The following ZBTB20 variants were observed in gnomAD, a reference collection of about 807,000 sequenced individuals.
ZBTB20 encodes zinc finger and BTB domain-containing protein 20.
Under a neutral mutation model 56.9 loss-of-function variants are expected in ZBTB20, and 9 were observed. That is an observed-to-expected ratio of 0.16 (90% CI 0.10 to 0.28). ZBTB20 has a LOEUF of 0.28. Ranked by LOEUF, ZBTB20 falls within the 10% of genes least tolerant of loss-of-function variation. The pLI is 1.00. For missense variants in ZBTB20, 655 were observed against 1,003.0 expected, an observed-to-expected ratio of 0.65 and a Z score of 4.69; for synonymous variants, 417 against 420.7, an observed-to-expected ratio of 0.99 and a Z score of 0.11.
At chr3:114,698,161 T>C (rs1461726739) in intron 5 of ZBTB20, among the ~76,000 whole-genome samples, 1 of 152,106 alleles carries the variant, frequency 6.6e-6, no homozygotes, top group African/African-American at 2.4e-5. Flanking sequence ...GGGAATGTCA[T>C]CAGGGTAAAG....
At position 114,344,048 on chromosome 3, in the gene ZBTB20, CA is replaced by C. The variant is rs58864839; in HGVS notation, c.1805-4623del. The stretch of plus-strand genomic sequence containing the variant: ...TGGGCAACAGAGTGAGACTCCATCT[CA>C]AAAAAAAAATGGGGGGCCCACACAC... On this transcript the variant is annotated intron_variant, in intron 11 of 11. Coordinates refer to ENST00000675478, the MANE Select transcript of ZBTB20 (RefSeq NM_001348800.3). 7.6e-4 allele frequency among the ~76,000 whole-genome samples: 113 copies of C among 148,116 alleles called. No individual in the cohort carries two copies. The East Asian group carries it at 0.013, about 17-fold the overall frequency.
intron 7 of ZBTB20, among the ~76,000 whole-genome samples, chr3:114,469,228 G>A (rs575813388): frequency 6.6e-6 from 1 of 152,198 alleles, no homozygotes; most frequent in East Asian, 1.9e-4. Context: ...TCTAGGTAGA[G>A]AGTTAAGCAA....
chr3:115,049,080 T>G (rs961609531), intron 2 of ZBTB20, among the ~76,000 whole-genome samples: 18 of 152,152 alleles, frequency 1.2e-4, no homozygotes, highest in African/African-American at 4.3e-4. Flanking sequence ...CCTTAATACT[T>G]GTAACTGGCT....
intron 6 of ZBTB20, among the ~76,000 whole-genome samples, chr3:114,546,684 A>T (rs2110155131): frequency 6.6e-6 from 1 of 152,084 alleles, no homozygotes; most frequent in Admixed American, 6.6e-5. Context: ...ATTCTGTATC[A>T]TAATTAAGGA....
intron 7 of ZBTB20, among the ~76,000 whole-genome samples, chr3:114,404,235 G>A (rs1208593036): frequency 1.3e-5 from 2 of 152,008 alleles, no homozygotes; most frequent in African/African-American, 2.4e-5. Context: ...AGGTAATCAC[G>A]ATCATTCTGG....
chr3:114,871,455 C>T (rs866391959), intron 4 of ZBTB20, among the ~76,000 whole-genome samples: 13 of 152,042 alleles, frequency 8.6e-5, no homozygotes, highest in South Asian at 2.1e-4. Flanking sequence ...TATATGTCTT[C>T]CTTTTCATCT....
chr3:115,115,267 A>G (rs1452065185), intron 1 of ZBTB20, among the ~76,000 whole-genome samples: 1 of 152,078 alleles, frequency 6.6e-6, no homozygotes, highest in African/African-American at 2.4e-5. Flanking sequence ...TGCCTCGGCA[A>G]GCTTTTTTCT....
At chr3:114,445,779 A>C (rs978300131) in intron 7 of ZBTB20, 10 of 152,160 alleles carry the variant, frequency 6.6e-5, no homozygotes, top group African/African-American at 1.7e-4. Context: ...TTTTAAAGCA[A>C]TCCATTAAAG....
intron 1 of ZBTB20, among the ~76,000 whole-genome samples, chr3:115,094,640 T>C (rs1237151706): frequency 3.3e-5 from 5 of 151,650 alleles, no homozygotes; most frequent in African/African-American, 1.2e-4. Context: ...AAGAAGTTCA[T>C]ACTATAAAAG....
At chr3:114,378,389 C>T (rs1394269542) in intron 10 of ZBTB20, among the ~76,000 whole-genome samples, 1 of 152,208 alleles carries the variant, frequency 6.6e-6, no homozygotes, top group Non-Finnish European at 1.5e-5. Context: ...GATCAGGTTT[C>T]TCCTCCTGGT....
chr3:115,083,086 C>A (rs1226641209), intron 1 of ZBTB20, among the ~76,000 whole-genome samples: 1 of 151,950 alleles, frequency 6.6e-6, no homozygotes, highest in East Asian at 1.9e-4. Flanking sequence ...AATGCAAAAA[C>A]CAAGGCAATT....
intron 7 of ZBTB20, among the ~76,000 whole-genome samples, chr3:114,462,085 C>A (rs2092357697): frequency 6.6e-6 from 1 of 152,066 alleles, no homozygotes; most frequent in Admixed American, 6.5e-5. Context: ...TAGAAGTTAA[C>A]AAGATCATGC....
At chr3:114,898,729 G>A (rs2074987306) in intron 4 of ZBTB20, among the ~76,000 whole-genome samples, 1 of 152,056 alleles carries the variant, frequency 6.6e-6, no homozygotes, top group South Asian at 2.1e-4. Context: ...ATACCAAAGT[G>A]ATTTGTTAAA....
intron 5 of ZBTB20, among the ~76,000 whole-genome samples, chr3:114,779,179 T>G (rs2069867617): frequency 2.6e-5 from 4 of 152,212 alleles, no homozygotes; most frequent in Admixed American, 2.6e-4. Context: ...CTTGTTCTAT[T>G]TGCTTTAACA....
At chr3:115,108,574 A>G (rs539458610) in intron 1 of ZBTB20, among the ~76,000 whole-genome samples, 1 of 152,348 alleles carries the variant, frequency 6.6e-6, no homozygotes, top group South Asian at 2.1e-4. Flanking sequence ...CCTTCTCTCC[A>G]AACTTTCAGG....
chr3:114,678,058 T>C (rs1458156725), intron 6 of ZBTB20, among the ~76,000 whole-genome samples: 1 of 152,142 alleles, frequency 6.6e-6, no homozygotes, highest in East Asian at 1.9e-4. Context: ...TGATTCTTTA[T>C]AAAAAAATCT....
At chr3:114,578,268 T>C (rs1222108542) in intron 6 of ZBTB20, among the ~76,000 whole-genome samples, 2 of 151,924 alleles carry the variant, frequency 1.3e-5, no homozygotes, top group African/African-American at 2.4e-5. Flanking sequence ...CAGAAAAAAA[T>C]TGTAGCAAGA....
intron 7 of ZBTB20, among the ~76,000 whole-genome samples, chr3:114,425,413 T>G (rs1158158856): frequency 5.9e-5 from 9 of 152,208 alleles, no homozygotes; most frequent in Non-Finnish European, 1.2e-4. Context: ...AGGTCTCCTT[T>G]TCCCAATACA....
At chr3:114,573,819 A>G (rs1174798324) in intron 6 of ZBTB20, among the ~76,000 whole-genome samples, 1 of 152,118 alleles carries the variant, frequency 6.6e-6, no homozygotes, top group Non-Finnish European at 1.5e-5. Flanking sequence ...TTTGAGATTC[A>G]GTGTTTAGAT....
Sources: allele counts gnomAD v4.1 joint callset (sites outside exome capture counted in the v4.1 genomes callset), GRCh38; gene constraint gnomAD v4.1.1; transcripts MANE v1.5; gene names NCBI Gene and HGNC (gene_info 2026-07-23, HGNC 2026-07-21).